Variants in ZFHX3 observed in about 807,000 individuals in gnomAD.
The protein encoded by ZFHX3 is zinc finger homeobox protein 3.
In ZFHX3, 42 loss-of-function variants were observed where a neutral mutation model predicts 279.1. The ratio of observed to expected loss-of-function variants is 0.15; its 90% CI spans 0.12 to 0.19. The LOEUF (loss-of-function observed/expected upper bound fraction) is 0.19, where lower values mean the gene tolerates loss of function less well. Ranked by LOEUF, ZFHX3 falls within the 10% of genes least tolerant of loss-of-function variation. ZFHX3 has a pLI of 1.00. For missense variants in ZFHX3, 4,981 were observed against 4,754.0 expected (o/e 1.05, Z -1.40); for synonymous variants, 2,293 against 1,957.8 (o/e 1.17, Z -4.52).
intron 1 of ZFHX3, among the ~76,000 whole-genome samples, chr16:73,032,485 C>T (rs764631097): frequency 9.2e-5 from 14 of 152,074 alleles, no homozygotes; most frequent in Non-Finnish European, 2.1e-4. Flanking sequence ...GATTTCTCAA[C>T]GCCATAGTCA....
chr16:72,845,722 C>T (rs1431761730), intron 4 of ZFHX3, among the ~76,000 whole-genome samples: 1 of 152,174 alleles, frequency 6.6e-6, no homozygotes, highest in African/African-American at 2.4e-5. Flanking sequence ...GACCCCTTCA[C>T]CACCAAGAGC....
intron 5 of ZFHX3, among the ~76,000 whole-genome samples, chr16:73,181,170 G>C (rs981289984): frequency 1.3e-5 from 2 of 149,888 alleles, no homozygotes; most frequent in Non-Finnish European, 3.0e-5. Flanking sequence ...GTATAATCTC[G>C]GCTCACTGCA....
chr16:73,364,546 A>T (rs1225375318), intron 3 of ZFHX3, among the ~76,000 whole-genome samples: 2 of 152,214 alleles, frequency 1.3e-5, no homozygotes, highest in Non-Finnish European at 2.9e-5. Flanking sequence ...GCCAAGTGCC[A>T]CAAAGGAAAG....
At chr16:73,816,729 G>T (rs928302434) in intron 1 of ZFHX3, among the ~76,000 whole-genome samples, 1 of 152,140 alleles carries the variant, frequency 6.6e-6, no homozygotes, top group African/African-American at 2.4e-5. Flanking sequence ...TTGGGCAATC[G>T]AATGGATTCA....
At chr16:73,202,433 AAG>A (rs1196616264) in intron 5 of ZFHX3, among the ~76,000 whole-genome samples, 1 of 152,244 alleles carries the variant, frequency 6.6e-6, no homozygotes, top group Non-Finnish European at 1.5e-5. Context: ...GAATAGCTCA[AAG>A]AGTTTCTGTA....
chr16:73,515,754 T>C (rs1300678088), intron 2 of ZFHX3, among the ~76,000 whole-genome samples: 2 of 152,218 alleles, frequency 1.3e-5, no homozygotes, highest in Non-Finnish European at 2.9e-5. Flanking sequence ...CATAGAGGAA[T>C]CTGGGACTCT....
Position 72,958,465 on chromosome 16 carries a change from A to T in ZFHX3, c.1681T>A (p.Phe561Ile), listed in dbSNP as rs1257567129. ...CGATTCCTCCTGTTCGCACCATCAA[A>T]GACAACAAAGGAAGAAGCAGAATTA... ...SSNSASSFVV[F>I]DGANRRNRLS... The change falls in exon 2 of 10, where the codon TTT (phenylalanine) becomes ATT (isoleucine). Residue 561 changes from phenylalanine to isoleucine, a missense_variant. This residue lies in a region of ZFHX3 where 1,068 missense variants were observed against 935.2 expected (regional missense o/e 1.14). Transcript: ENST00000268489. 1 of 1,614,142 alleles carries T rather than the reference A, an allele frequency of 6.2e-7. No individual in the cohort carries two copies. Among genetic ancestry groups the T allele is most frequent in the Non-Finnish European group, 8.5e-7 (1 of 1,180,034 alleles).
intron 1 of ZFHX3, among the ~76,000 whole-genome samples, chr16:73,708,716 T>TG (rs2053328497): frequency 6.6e-6 from 1 of 152,012 alleles, no homozygotes; most frequent in Admixed American, 6.6e-5. Context: ...ATCATGTGCA[T>TG]GGGGGCAGGA....
rs1164570312 is a variant in ZFHX3, at chr16:73,236,789, C to A, written c.-1104+20258G>T. On this transcript the variant is annotated intron_variant, in intron 5 of 17. Transcript: ENST00000641206. Reference sequence around the variant, plus strand: ...TCATTTTAAAAAATGTTCTTCTTACCCATCCACAGCACTCTTCATCTCAAG... The same window carrying A: ...TCATTTTAAAAAATGTTCTTCTTACACATCCACAGCACTCTTCATCTCAAG... Among the ~76,000 whole-genome samples the A allele has an allele frequency of 2.6e-5, 4 of 152,088 alleles. No homozygotes were observed. In the East Asian group the frequency reaches 5.8e-4, roughly 22 times the overall value.
At chr16:73,238,015 C>T (rs948015069) in intron 5 of ZFHX3, among the ~76,000 whole-genome samples, 5 of 152,226 alleles carry the variant, frequency 3.3e-5, no homozygotes, top group Non-Finnish European at 5.9e-5. Context: ...TCATTAACAA[C>T]CAATTCCACT....
In ZFHX3 at chr16:72,795,265, G is replaced by A; in HGVS notation, c.7417C>T (p.Gln2473Ter). The A allele has an allele frequency of 6.2e-7, 1 of 1,612,862 alleles. No homozygotes were observed. Among genetic ancestry groups the A allele is most frequent in the Non-Finnish European group, 8.5e-7 (1 of 1,179,274 alleles). Reference protein sequence around the residue: ...KTNTPQQKLPQLVSLPSLPQP... With the variant: ...KTNTPQQKLP ...GGCAACGAAGGCAGGGACACCAGCT[G>A]GGGGAGCTTCTGCTGGGGAGTGTTG... The change falls in exon 9 of 10, where the codon CAG (glutamine) becomes TAG (stop). Residue 2473 changes from glutamine (Q) to a stop codon, truncating the protein, a stop_gained. Coordinates refer to ENST00000268489, the MANE Select transcript of ZFHX3 (RefSeq NM_006885.4). LOFTEE classifies it high-confidence loss of function.
chr16:73,621,800 T>C (rs2052366372), intron 2 of ZFHX3, among the ~76,000 whole-genome samples: 1 of 152,154 alleles, frequency 6.6e-6, no homozygotes, highest in South Asian at 2.1e-4. Context: ...CCATTAAAAA[T>C]GAACCGAAAT....
intron 4 of ZFHX3, among the ~76,000 whole-genome samples, chr16:73,312,575 G>A (rs930723355): frequency 2.0e-5 from 3 of 152,188 alleles, no homozygotes; most frequent in Non-Finnish European, 4.4e-5. Flanking sequence ...ATTGCTCAAT[G>A]CATGAGCAAA....
intron 1 of ZFHX3, among the ~76,000 whole-genome samples, chr16:73,821,985 C>T (rs943785839): frequency 6.6e-6 from 1 of 152,200 alleles, no homozygotes; most frequent in Non-Finnish European, 1.5e-5. Context: ...AAAGGCATCT[C>T]CCCCTCTACA....
At chr16:72,870,538 C>A (rs2038133944) in intron 4 of ZFHX3, among the ~76,000 whole-genome samples, 1 of 151,742 alleles carries the variant, frequency 6.6e-6, no homozygotes, top group Non-Finnish European at 1.5e-5. Flanking sequence ...TAAAACCCTG[C>A]CTCTACTAAA....
In ZFHX3 at chr16:73,673,928, A is replaced by G. The variant is rs545094264; in HGVS notation, c.-1547+6252T>C. Among the ~76,000 whole-genome samples, 11 of 152,332 alleles carry G rather than the reference A, an allele frequency of 7.2e-5. No homozygotes were observed. The South Asian group carries it at 2.3e-3, about 32-fold the overall frequency. ...CTGACCACCACACAAGGAGACAGGT[A>G]TGAGAGCAAACCCCTAAGTCAGGTG... is the stretch of plus-strand genomic sequence containing the variant. On this transcript the variant is annotated intron_variant, in intron 2 of 17. Transcript: ENST00000641206.
intron 3 of ZFHX3, among the ~76,000 whole-genome samples, chr16:73,349,143 CTTCCTGCTACCTCTAGACT>C (rs1202308634): frequency 6.7e-5 from 10 of 150,174 alleles, no homozygotes; most frequent in Non-Finnish European, 1.0e-4. Context: ...TCTCTTGTGT[CTTCCTGCTACCTCTAGACT>C]TTTGTTCTGC....
intron 1 of ZFHX3, among the ~76,000 whole-genome samples, chr16:73,016,171 G>A (rs910231316): frequency 6.6e-6 from 1 of 152,058 alleles, no homozygotes; most frequent in Non-Finnish European, 1.5e-5. Context: ...AACTCTCTAG[G>A]CCCAGATATG....
At chr16:73,094,845 G>C (rs1358897108) in intron 7 of ZFHX3, among the ~76,000 whole-genome samples, 1 of 152,080 alleles carries the variant, frequency 6.6e-6, no homozygotes, top group South Asian at 2.1e-4. Context: ...GAGTAGCTGG[G>C]ACTGCAGATG....
Sources: allele counts gnomAD v4.1 joint callset (sites outside exome capture counted in the v4.1 genomes callset), GRCh38; gene constraint gnomAD v4.1.1; regional missense constraint gnomAD v4.1.1; transcripts MANE v1.5; gene names NCBI Gene and HGNC (gene_info 2026-07-23, HGNC 2026-07-21).